The following ATP10A variants were observed in gnomAD, a reference collection of about 807,000 sequenced individuals.
The protein encoded by ATP10A is phospholipid-transporting ATPase VA.
Under a neutral mutation model 147.8 loss-of-function variants are expected in ATP10A, and 111 were observed. That is an observed-to-expected ratio of 0.75 (90% confidence interval 0.64 to 0.88). The LOEUF is 0.88. Among genes scored for constraint, ATP10A ranks in the 40% least tolerant of loss-of-function variants. The probability of loss-of-function intolerance (pLI) is 0.00; values close to 1 mark genes in which losing one functional copy is unlikely to be tolerated. For missense variants in ATP10A, 1,927 were observed against 1,959.0 expected, an observed-to-expected ratio of 0.98 and a Z score of 0.31; for synonymous variants, 875 against 841.6, an observed-to-expected ratio of 1.04 and a Z score of -0.69.
chr15:25,766,701 C>T (rs963855654), intron 2 of ATP10A, among the ~76,000 whole-genome samples: 19 of 152,040 alleles, frequency 1.2e-4, no homozygotes, highest in Admixed American at 5.9e-4. Context: ...AGGCCCCAAC[C>T]CAGCCGCTTC....
In ATP10A at chr15:25,716,738, G is replaced by A. The variant is rs149299773; in HGVS notation, c.1768C>T (p.Arg590Ter). 10 of 1,585,124 alleles carry A rather than the reference G, an allele frequency of 6.3e-6. No homozygotes were observed. The highest frequency in any genetic ancestry group is 2.3e-5 in the East Asian group (1 of 43,162). Reference protein sequence around the residue: ...TVVVTSPDQPRTKVRVRFELK... With the variant: ...TVVVTSPDQP ...GACCCTCCAGAACTTGCCTTTGTTC[G>A]TGGCTGATCCGGGGACGTGACGACG... The change falls in exon 9 of 21, where the codon CGA (arginine) becomes TGA (stop). Residue 590 changes from arginine (R) to a stop codon, truncating the protein, a stop_gained. Coordinates refer to ENST00000555815, the MANE Select transcript of ATP10A (RefSeq NM_024490.4). LOFTEE classifies it high-confidence loss of function.
At chr15:25,683,807 G>C in intron 16 of ATP10A, 1 of 356,542 alleles carries the variant, frequency 2.8e-6, no homozygotes, top group Non-Finnish European at 5.2e-6. Context: ...CAAAATCAAG[G>C]TTTCACAGGG....
chr15:25,827,684 C>T (rs1227382201), intron 1 of ATP10A, among the ~76,000 whole-genome samples: 1 of 152,118 alleles, frequency 6.6e-6, no homozygotes, highest in African/African-American at 2.4e-5. Flanking sequence ...AAATGGCACA[C>T]AAGCAAATAT....
At chr15:25,764,465 C>T (rs867895359) in intron 2 of ATP10A, among the ~76,000 whole-genome samples, 8 of 152,234 alleles carry the variant, frequency 5.3e-5, no homozygotes, top group Non-Finnish European at 8.8e-5. Context: ...TGGAGCCTCA[C>T]GAGTGGGATT....
chr15:25,863,116 C>T lies in ATP10A; in HGVS notation c.-20G>A, dbSNP rs1411586580. The T allele has an allele frequency of 7.8e-6, 9 of 1,157,564 alleles. No individual in the cohort carries two copies. The highest frequency in any genetic ancestry group is 4.2e-5 in the East Asian group (1 of 23,962). The allele number at this position is 1,157,564 out of a possible 1,614,324, so 71.7% of individuals were successfully genotyped here. Reference sequence around the variant, plus strand: ...CTCCATGGCCGCGTGTCGCCGCGCCCGGCTCCTCCGCCGCTCACGCCCGCC... The same window carrying T: ...CTCCATGGCCGCGTGTCGCCGCGCCTGGCTCCTCCGCCGCTCACGCCCGCC... On this transcript the variant is annotated 5_prime_UTR_variant, in exon 1 of 21. Transcript: ENST00000555815.
intron 15 of ATP10A, among the ~76,000 whole-genome samples, chr15:25,689,827 G>C (rs1178116046): frequency 6.6e-6 from 1 of 152,216 alleles, no homozygotes; most frequent in Non-Finnish European, 1.5e-5. Flanking sequence ...CCCACCTTGA[G>C]GAGGAGAGCA....
At chr15:25,741,894 C>T (rs147862242) in intron 2 of ATP10A, among the ~76,000 whole-genome samples, 3 of 151,610 alleles carry the variant, frequency 2.0e-5, no homozygotes. Flanking sequence ...CGTCTGGTGG[C>T]AAGAAACACC....
intron 4 of ATP10A, among the ~76,000 whole-genome samples, chr15:25,726,559 G>A (rs147969290): frequency 0.049 from 7,376 of 151,152 alleles, 235 homozygotes; most frequent in African/African-American, 0.073. Context: ...CTCCTGCCTC[G>A]GCCTCCCTAG....
chr15:25,709,957 A>G (rs77977867), intron 10 of ATP10A: 5,996 of 152,314 alleles, frequency 0.039, 164 homozygotes, highest in East Asian at 0.15. Flanking sequence ...CAAGGAGACC[A>G]TCACCGAGGA....
chr15:25,680,129 C>T lies in ATP10A; in HGVS notation c.3858G>A (p.Leu1286=). The change falls in exon 20 of 21, where the codon CTG becomes CTA. Residue 1286 remains leucine (L), a synonymous_variant. Transcript: ENST00000555815. The stretch of plus-strand genomic sequence containing the variant: ...CCCGCTCCGACACCCACCTGGGCAG[C>T]AGTGCAGCGACAGGCGTCATCAGGC... ...LTCLMTPVAA[L]LPRLFFRSLQ... is the part of the protein sequence containing the mutation. 6.2e-7 allele frequency: 1 copy of T among 1,613,558 alleles called. No individual in the cohort carries two copies. Among genetic ancestry groups the T allele is most frequent in the Non-Finnish European group, 8.5e-7 (1 of 1,179,920 alleles).
intron 1 of ATP10A, among the ~76,000 whole-genome samples, chr15:25,792,253 AG>A (rs1011803894): frequency 2.6e-5 from 4 of 152,220 alleles, no homozygotes; most frequent in African/African-American, 9.6e-5. Flanking sequence ...ATGTTGGATC[AG>A]TGCCACCATT....
intron 1 of ATP10A, among the ~76,000 whole-genome samples, chr15:25,856,937 A>T (rs1394375008): frequency 6.6e-6 from 1 of 152,160 alleles, no homozygotes; most frequent in Non-Finnish European, 1.5e-5. Flanking sequence ...AGGACAAATA[A>T]CCCAATTTCT....
chr15:25,798,091 C>T (rs1285601344), intron 1 of ATP10A, among the ~76,000 whole-genome samples: 7 of 152,064 alleles, frequency 4.6e-5, no homozygotes, highest in Non-Finnish European at 1.0e-4. Context: ...GGGAGGGAGG[C>T]CCTGGGTTGC....
intron 12 of ATP10A, 71 bp downstream of exon 12, chr15:25,707,905 C>A: frequency 6.3e-7 from 1 of 1,576,692 alleles, no homozygotes; most frequent in South Asian, 1.1e-5. Context: ...CTGACAAGAG[C>A]ACTCACCCCT....
At chr15:25,772,048 G>A (rs1889365315) in intron 2 of ATP10A, among the ~76,000 whole-genome samples, 1 of 152,030 alleles carries the variant, frequency 6.6e-6, no homozygotes, top group Admixed American at 6.6e-5. Flanking sequence ...CATCGCGCCC[G>A]GCCTGAAAAC....
At position 25,736,147 on chromosome 15, in the gene ATP10A, A is replaced by T; in HGVS notation, c.655-6T>A. 1 of 1,611,538 alleles carries T rather than the reference A, an allele frequency of 6.2e-7. No individual in the cohort carries two copies. The highest frequency in any genetic ancestry group is 8.5e-7 in the Non-Finnish European group (1 of 1,179,012). On this transcript the variant is annotated splice_polypyrimidine_tract_variant and splice_region_variant and intron_variant, in intron 2 of 20. Transcript: ENST00000555815. ...AAAGGATTGAATTCGGAGACCTAAA[A>T]TAACAGCACGTAGACATTAGAGAAA...
At chr15:25,742,312 A>G (rs61998597) in intron 2 of ATP10A, among the ~76,000 whole-genome samples, 32,584 of 152,308 alleles carry the variant, frequency 0.21, 4,291 homozygotes, top group Non-Finnish European at 0.29. Context: ...CCTCAGAGAA[A>G]CTGATCAAGG....
At chr15:25,672,394 C>T (rs1446158411), downstream of ATP10A, among the ~76,000 whole-genome samples, 1 of 152,150 alleles carries the variant, frequency 6.6e-6, no homozygotes, top group Non-Finnish European at 1.5e-5. Flanking sequence ...ATCTGTCGGC[C>T]GACATGGGCT....
At chr15:25,770,687 G>A (rs761987236) in intron 2 of ATP10A, among the ~76,000 whole-genome samples, 2 of 152,278 alleles carry the variant, frequency 1.3e-5, no homozygotes, top group South Asian at 2.1e-4. Context: ...CAGATGAACC[G>A]CTCTCACTGG....
Sources: allele counts gnomAD v4.1 joint callset (sites outside exome capture counted in the v4.1 genomes callset), GRCh38; gene constraint gnomAD v4.1.1; transcripts MANE v1.5; gene names NCBI Gene and HGNC (gene_info 2026-07-23, HGNC 2026-07-21).